The following EPC2 variants were observed in gnomAD, a reference collection of about 807,000 sequenced individuals.
EPC2 encodes enhancer of polycomb 2.
In EPC2, 14 loss-of-function variants were observed where a neutral mutation model predicts 92.1. The observed-to-expected ratio is 0.15, with a 90% CI of 0.10 to 0.24. The LOEUF is 0.24. EPC2 is among the 10% of genes least tolerant of loss of function. The pLI, the probability that EPC2 is intolerant of heterozygous loss-of-function variation, is 1.00. For synonymous variants in EPC2, 340 were observed against 334.7 expected (o/e 1.02, Z -0.17); for missense variants, 755 against 971.5 (o/e 0.78, Z 2.96).
chr2:148,764,430 C>A (rs998631505), intron 6 of EPC2, among the ~76,000 whole-genome samples: 2 of 152,136 alleles, frequency 1.3e-5, no homozygotes, highest in Non-Finnish European at 2.9e-5. Flanking sequence ...GACTTCAGAA[C>A]GTTACTGTTC....
chr2:148,752,447 C>T (rs1482535012), intron 3 of EPC2, among the ~76,000 whole-genome samples: 2 of 152,094 alleles, frequency 1.3e-5, no homozygotes, highest in African/African-American at 2.4e-5. Context: ...AGAAAGGTAT[C>T]CACTTAAAGG....
At chr2:148,777,787 A>G (rs532986210) in intron 10 of EPC2, among the ~76,000 whole-genome samples, 101 of 152,300 alleles carry the variant, frequency 6.6e-4, no homozygotes, top group African/African-American at 2.3e-3. Context: ...GGTGACAGAT[A>G]CCTAAGAAAA....
intron 2 of EPC2, among the ~76,000 whole-genome samples, chr2:148,736,043 A>G (rs1201636443): frequency 6.6e-6 from 1 of 152,142 alleles, no homozygotes; most frequent in Non-Finnish European, 1.5e-5. Flanking sequence ...TATTCCAGCT[A>G]ATGTAAATCA....
chr2:148,765,990 C>T (rs1011296773), intron 7 of EPC2, among the ~76,000 whole-genome samples: 17 of 152,098 alleles, frequency 1.1e-4, no homozygotes, highest in African/African-American at 2.2e-4. Context: ...GAGCTGAGAT[C>T]GCACCACTGC....
rs575132634 is a variant in EPC2, at chr2:148,730,619, G to A, written c.314-13003G>A. Among the ~76,000 whole-genome samples the A allele has an allele frequency of 3.3e-5, 5 of 152,294 alleles. No individual in the cohort carries two copies. In the South Asian group the frequency reaches 1.0e-3, roughly 32 times the overall value. On this transcript the variant is annotated intron_variant, in intron 2 of 13. Coordinates refer to ENST00000258484, the MANE Select transcript of EPC2 (RefSeq NM_015630.4). ...CTTCAGATGATTCTGGTGAGTGCTA[G>A]AGTTTGAGAAACACTGGCTTACAGG...
rs78419415 is a variant in EPC2, at chr2:148,647,646, T to A, written c.153+2476T>A. ...TTTTTTTTTTTTTTTTTTTTTTTTT[T>A]AATTTATTACCGAGTCTAGCTCTGT... is the stretch of plus-strand genomic sequence containing the variant. On this transcript the variant is annotated intron_variant, in intron 1 of 13. Coordinates refer to ENST00000258484, the MANE Select transcript of EPC2 (RefSeq NM_015630.4). 4.1e-3 allele frequency among the ~76,000 whole-genome samples: 308 copies of A among 75,952 alleles called. 2 individuals are homozygous for A. Among genetic ancestry groups the A allele is most frequent in the Middle Eastern group, 9.1e-3 (1 of 110 alleles). 49.8% of individuals were successfully genotyped at this position (75,952 alleles called of 152,430 possible).
At chr2:148,679,701 C>T (rs974927283) in intron 1 of EPC2, among the ~76,000 whole-genome samples, 7 of 152,070 alleles carry the variant, frequency 4.6e-5, no homozygotes, top group South Asian at 4.1e-4. Flanking sequence ...GCTGGAGTGC[C>T]GTGTTGCAGT....
intron 2 of EPC2, among the ~76,000 whole-genome samples, chr2:148,702,747 C>A (rs1681915524): frequency 6.6e-6 from 1 of 152,128 alleles, no homozygotes; most frequent in Admixed American, 6.6e-5. Context: ...CTAAGTCAGG[C>A]TTGTTTAATT....
At chr2:148,691,040 C>T (rs1263397023) in intron 2 of EPC2, among the ~76,000 whole-genome samples, 3 of 152,158 alleles carry the variant, frequency 2.0e-5, no homozygotes, top group Non-Finnish European at 4.4e-5. Flanking sequence ...AAATCTAATG[C>T]CTTTACTTTC....
intron 3 of EPC2, among the ~76,000 whole-genome samples, chr2:148,751,100 T>C (rs1683075763): frequency 6.6e-6 from 1 of 152,166 alleles, no homozygotes; most frequent in Non-Finnish European, 1.5e-5. Context: ...TTTTCCCTTA[T>C]CTTCCCCACA....
At chr2:148,701,060 T>C (rs1016365418) in intron 2 of EPC2, among the ~76,000 whole-genome samples, 1 of 152,208 alleles carries the variant, frequency 6.6e-6, no homozygotes, top group African/African-American at 2.4e-5. Context: ...TAATTTCAAA[T>C]ACCGAGTGTT....
At chr2:148,722,517 A>G (rs555212935) in intron 2 of EPC2, among the ~76,000 whole-genome samples, 2 of 152,332 alleles carry the variant, frequency 1.3e-5, no homozygotes, top group Admixed American at 6.5e-5. Flanking sequence ...TAAAAAGTCA[A>G]AAAGTAACAG....
Position 148,742,149 on chromosome 2 carries a change from A to G in EPC2, c.314-1473A>G, listed in dbSNP as rs149817007. ...ATCCTACACACATTGTTTGTTTTGT[A>G]TTTTTTACTTCTTGCAGTGTCATAA... On this transcript the variant is annotated intron_variant, in intron 2 of 13. Coordinates refer to ENST00000258484, the MANE Select transcript of EPC2 (RefSeq NM_015630.4). Among the ~76,000 whole-genome samples the G allele has an allele frequency of 7.5e-3, 1,144 of 152,134 alleles. 9 individuals carry two copies. Among genetic ancestry groups the G allele is most frequent in the Non-Finnish European group, 0.012 (814 of 67,974 alleles).
At chr2:148,696,851 C>T (rs934116474) in intron 2 of EPC2, among the ~76,000 whole-genome samples, 2 of 152,202 alleles carry the variant, frequency 1.3e-5, no homozygotes, top group Non-Finnish European at 2.9e-5. Context: ...TTTGCCTTCT[C>T]ATCTTACTCA....
intron 1 of EPC2, among the ~76,000 whole-genome samples, chr2:148,664,690 A>G (rs928349418): frequency 2.0e-5 from 3 of 152,122 alleles, no homozygotes; most frequent in African/African-American, 7.2e-5. Context: ...GTTACTGTAG[A>G]TTAGTGGTTT....
In EPC2 at chr2:148,645,182, A is replaced by C; in HGVS notation, c.153+12A>C. 1 of 1,590,300 alleles carries C rather than the reference A, an allele frequency of 6.3e-7. No homozygotes were observed. Among genetic ancestry groups the C allele is most frequent in the Non-Finnish European group, 8.6e-7 (1 of 1,168,812 alleles). On this transcript the variant is annotated intron_variant, in intron 1 of 13. Transcript: ENST00000258484. ...AGGAGGAGGAATCGGTAGGGACTCG[A>C]GTGTTTATTACCCCCCCTTCCCTCC... is the stretch of plus-strand genomic sequence containing the variant.
intron 2 of EPC2, among the ~76,000 whole-genome samples, chr2:148,736,398 G>T (rs1231120606): frequency 1.3e-5 from 2 of 151,992 alleles, no homozygotes; most frequent in East Asian, 3.8e-4. Context: ...CTAAAATGTG[G>T]TAGGGTTACC....
chr2:148,677,695 C>T (rs1681296619), intron 1 of EPC2, among the ~76,000 whole-genome samples: 1 of 152,062 alleles, frequency 6.6e-6, no homozygotes, highest in South Asian at 2.1e-4. Flanking sequence ...TTTGTTCCTT[C>T]TGATGTTCAG....
At chr2:148,683,864 T>C (rs1409276976) in intron 1 of EPC2, among the ~76,000 whole-genome samples, 1 of 152,244 alleles carries the variant, frequency 6.6e-6, no homozygotes, top group African/African-American at 2.4e-5. Context: ...TAATGATTTC[T>C]TTTCCTTTGG....
Sources: allele counts gnomAD v4.1 joint callset (sites outside exome capture counted in the v4.1 genomes callset), GRCh38; gene constraint gnomAD v4.1.1; transcripts MANE v1.5; gene names NCBI Gene and HGNC (gene_info 2026-07-23, HGNC 2026-07-21).